Variants in TECPR1 observed in about 807,000 individuals in gnomAD.
TECPR1 encodes the protein tectonin beta-propeller repeat containing 1.
Under a neutral mutation model 162.4 loss-of-function variants are expected in TECPR1, and 122 were observed. The observed-to-expected ratio is 0.75, with a 90% CI of 0.65 to 0.87. TECPR1 has a LOEUF of 0.87. Among genes scored for constraint, TECPR1 ranks in the 40% least tolerant of loss-of-function variants. TECPR1 has a pLI of 0.00. For missense variants in TECPR1, 1,432 were observed against 1,618.2 expected, an observed-to-expected ratio of 0.88 and a Z score of 1.97; for synonymous variants, 642 against 670.6, an observed-to-expected ratio of 0.96 and a Z score of 0.66.
chr7:98,245,135 G>C, intron 3 of TECPR1, 68 bp from the exon 4 acceptor site: 1 of 1,517,468 alleles, frequency 6.6e-7, no homozygotes, highest in Non-Finnish European at 8.9e-7. Flanking sequence ...GGCGGGCCAG[G>C]CATCTCCAGG....
chr7:98,218,784 A>T (rs1798078874), intron 23 of TECPR1, among the ~76,000 whole-genome samples: 1 of 152,202 alleles, frequency 6.6e-6, no homozygotes, highest in Non-Finnish European at 1.5e-5. Flanking sequence ...TCAGTGGAAG[A>T]ATCAATATCA....
Position 98,236,800 on chromosome 7 carries a change from G to A in TECPR1, c.1157C>T (p.Ser386Phe). 1.3e-6 allele frequency: 2 copies of A among 1,592,056 alleles called. No individual in the cohort carries two copies. The highest frequency in any genetic ancestry group is 1.7e-6 in the Non-Finnish European group (2 of 1,173,176). Residue 386 changes from serine (S) to phenylalanine (F), a missense_variant, in exon 10 of 26, where the codon TCT becomes TTT. Physicochemically the swap from Ser to Phe is radical, Grantham distance 155. Transcript: ENST00000447648. The part of the protein sequence containing the change: ...IAARECDRSH[S>F]GSSSSLLSAG... The stretch of plus-strand genomic sequence containing the variant: ...CCTGAGGAGACTAGACGAGCTGCCA[G>A]AGTGTGACCGGTCACACTCTCGGGC...
intron 9 of TECPR1, among the ~76,000 whole-genome samples, chr7:98,237,181 G>A (rs1798626230): frequency 6.6e-6 from 1 of 152,042 alleles, no homozygotes; most frequent in Non-Finnish European, 1.5e-5. Context: ...AAGTGGCGGG[G>A]CTGGGGGACG....
At position 98,233,480 on chromosome 7, in the gene TECPR1, G is replaced by A. The variant is rs752512813; in HGVS notation, c.1613C>T (p.Ser538Leu). Reference sequence around the variant, plus strand: ...TGCCTCCACCACGCAGCCGCCTCCCGACACCCAGGCCCACAGCGGGTGGTC... The same window carrying A: ...TGCCTCCACCACGCAGCCGCCTCCCAACACCCAGGCCCACAGCGGGTGGTC... ...VDDHPLWAWV[S>L]GGGCVVEACA... is the part of the protein sequence containing the mutation. The change falls in exon 11 of 26, where the codon TCG becomes TTG. Residue 538 changes from serine to leucine, a missense_variant. Coordinates refer to ENST00000447648, the MANE Select transcript of TECPR1 (RefSeq NM_015395.3). 5.4e-6 allele frequency: 8 copies of A among 1,487,572 alleles called. No individual in the cohort carries two copies. In the South Asian group the frequency reaches 5.6e-5, roughly 10 times the overall value. The allele number at this position is 1,487,572 out of a possible 1,614,324, so 92.1% of individuals were successfully genotyped here.
chr7:98,245,859 T>C, intron 3 of TECPR1, 63 bp downstream of exon 3: 2 of 1,438,770 alleles, frequency 1.4e-6, no homozygotes, highest in Non-Finnish European at 1.9e-6. Flanking sequence ...CTGTGGTTCA[T>C]CATTTTAACC....
At chr7:98,221,353 G>C in intron 23 of TECPR1, among the ~76,000 whole-genome samples, 1 of 152,102 alleles carries the variant, frequency 6.6e-6, no homozygotes, top group East Asian at 1.9e-4. Context: ...TGGATTGTTT[G>C]TAACATAAAG....
At chr7:98,227,442 T>C (rs1375257540) in intron 17 of TECPR1, among the ~76,000 whole-genome samples, 1 of 151,816 alleles carries the variant, frequency 6.6e-6, no homozygotes, top group African/African-American at 2.4e-5. Flanking sequence ...CTCTTTCTTC[T>C]ATCTCTGGTG....
intron 9 of TECPR1, 54 bp from the exon 10 acceptor site, chr7:98,236,975 T>A: frequency 6.8e-7 from 1 of 1,471,032 alleles, no homozygotes. Flanking sequence ...CGGGGGCTCT[T>A]CTCGCTTCCT....
Position 98,231,207 on chromosome 7 carries a change from G to A in TECPR1, c.2124+17C>T. 1.2e-6 allele frequency: 2 copies of A among 1,610,558 alleles called. No homozygotes were observed. Among genetic ancestry groups the A allele is most frequent in the Middle Eastern group, 3.3e-4 (2 of 6,056 alleles). ...GCTATCCCTCCCCCCGGCCCGAGGG[G>A]ACCACCGACCACTCACCCAGTCATT... On this transcript the variant is annotated intron_variant, in intron 14 of 25. Transcript: ENST00000447648.
rs79452701 is a variant in TECPR1, at chr7:98,244,856, C to T, written c.408+29G>A. The T allele has an allele frequency of 2.0e-3, 3,149 of 1,611,274 alleles. 65 individuals are homozygous for T. The African/African-American group carries it at 0.036, about 19-fold the overall frequency. ...CGGGAGGCACCCCCTCCCCACAGGG[C>T]AGTCATGGAGGGTCCCAAGTTCACC... On this transcript the variant is annotated intron_variant, in intron 4 of 25. Transcript: ENST00000447648.
Position 98,232,993 on chromosome 7 carries a change from C to T in TECPR1, c.1673-21G>A, listed in dbSNP as rs751153304. 6.3e-7 allele frequency: 1 copy of T among 1,594,530 alleles called. No homozygotes were observed. The highest frequency in any genetic ancestry group is 8.5e-7 in the Non-Finnish European group (1 of 1,169,592). The stretch of plus-strand genomic sequence containing the variant: ...CAGGCCTGTGGGGCAGAGAGAGCCT[C>T]AGGGCCGGGGCACTGTCCTGCCCGC... On this transcript the variant is annotated intron_variant, in intron 11 of 25. Coordinates refer to ENST00000447648, the MANE Select transcript of TECPR1 (RefSeq NM_015395.3). The surrounding 1 kb of genome is among the most constrained non-coding windows in gnomAD (Gnocchi z 4.6).
chr7:98,224,133 C>T (rs1055182906), intron 19 of TECPR1, among the ~76,000 whole-genome samples: 31 of 152,178 alleles, frequency 2.0e-4, no homozygotes, highest in Admixed American at 1.9e-3. Context: ...AGGCCCGAGG[C>T]TGAGCGGAGG....
At chr7:98,233,306 G>T (rs998497821) in intron 11 of TECPR1, 115 bp downstream of exon 11, 1 of 1,300,710 alleles carries the variant, frequency 7.7e-7, no homozygotes, top group East Asian at 2.7e-5. Flanking sequence ...ACAGTGAGGC[G>T]TCCAGGGAGG....
At chr7:98,239,838 C>T (rs926420412) in intron 8 of TECPR1, among the ~76,000 whole-genome samples, 10 of 152,042 alleles carry the variant, frequency 6.6e-5, no homozygotes, top group African/African-American at 2.4e-4. Flanking sequence ...TGGCCAGGCA[C>T]GGTGGCTCAT....
intron 16 of TECPR1, among the ~76,000 whole-genome samples, 188 bp from the exon 17 acceptor site, chr7:98,228,304 G>A (rs1798330912): frequency 6.6e-6 from 1 of 152,118 alleles, no homozygotes; most frequent in South Asian, 2.1e-4. Context: ...TTCTCCTCCG[G>A]GACCGTGATT....
At chr7:98,220,293 G>A (rs1045819257) in intron 23 of TECPR1, among the ~76,000 whole-genome samples, 2 of 152,048 alleles carry the variant, frequency 1.3e-5, no homozygotes, top group South Asian at 2.1e-4. Context: ...GCAGTAAGCC[G>A]AGATCATGTC....
Position 98,232,688 on chromosome 7 carries a change from C to T in TECPR1, c.1818+139G>A, listed in dbSNP as rs1229706297. On this transcript the variant is annotated intron_variant, in intron 12 of 25. Coordinates refer to ENST00000447648, the MANE Select transcript of TECPR1 (RefSeq NM_015395.3). This position sits in a 1 kb window ranked among gnomAD's most constrained non-coding sequence, Gnocchi z 4.6. ...GGACGAAGAAACCCTGAGCTCATTT[C>T]TCTATGCCTGCATCTGGGCGGGAGA... 3 of 1,178,468 alleles carry T rather than the reference C, an allele frequency of 2.5e-6. No homozygotes were observed. The highest frequency in any genetic ancestry group is 2.9e-5 in the Admixed American group (1 of 34,788). The allele number at this position is 1,178,468 out of a possible 1,614,324, so 73.0% of individuals were successfully genotyped here.
rs919170440 is a variant in TECPR1 at position 98,217,033 on chromosome 7, C to A, written c.*357G>T. On this transcript the variant is annotated 3_prime_UTR_variant, in exon 26 of 26. Coordinates refer to ENST00000447648, the MANE Select transcript of TECPR1 (RefSeq NM_015395.3). The stretch of plus-strand genomic sequence containing the variant: ...TCAGGAGGGCTCCATCCTGGCTCTG[C>A]TGCCCCAGGGCCGGCGTTCCCGGAG... 2.7e-5 allele frequency: 6 copies of A among 221,046 alleles called. No homozygotes were observed. The highest frequency in any genetic ancestry group is 4.5e-5 in the Non-Finnish European group (5 of 111,036). The allele number at this position is 221,046 out of a possible 1,614,324, so 13.7% of individuals were successfully genotyped here. A position where few individuals can be genotyped will look rare whatever the true frequency, so the allele number is the denominator to read the frequency against.
rs2116612563 is a variant in TECPR1 at position 98,241,627 on chromosome 7, G to C, written c.658-383C>G. 6.6e-6 allele frequency among the ~76,000 whole-genome samples: 1 copy of C among 152,308 alleles called. No individual in the cohort carries two copies. The highest frequency in any genetic ancestry group is 1.5e-5 in the Non-Finnish European group (1 of 68,018). On this transcript the variant is annotated intron_variant, in intron 6 of 25. Coordinates refer to ENST00000447648, the MANE Select transcript of TECPR1 (RefSeq NM_015395.3). The surrounding 1 kb of genome is among the most constrained non-coding windows in gnomAD (Gnocchi z 5.0). ...CTCCCATTCATAAACTATCTAAGAC[G>C]TCAGTTCTTTTTTCCTTCACTGAAT...
Sources: allele counts gnomAD v4.1 joint callset (sites outside exome capture counted in the v4.1 genomes callset), GRCh38; gene constraint gnomAD v4.1.1; non-coding constraint Gnocchi (gnomAD v3.1); transcripts MANE v1.5; gene names NCBI Gene and HGNC (gene_info 2026-07-23, HGNC 2026-07-21).